Variants in ZNF287 observed in about 807,000 individuals in gnomAD.
ZNF287 encodes zinc finger protein 287, also known as zinc finger protein with KRAB and SCAN domains 13.
ZNF287 carries 31 observed loss-of-function variants against 73.7 expected under a neutral mutation model. The ratio of observed to expected loss-of-function variants is 0.42; its 90% CI spans 0.32 to 0.57. ZNF287 has a LOEUF of 0.57. Among genes scored for constraint, ZNF287 ranks in the 20% least tolerant of loss-of-function variants. The pLI is 0.13. For missense variants in ZNF287, 641 were observed against 909.3 expected (o/e 0.70, Z 3.79); for synonymous variants, 301 against 307.2 (o/e 0.98, Z 0.21).
At chr17:16,559,328 A>T (rs1268155049) in intron 5 of ZNF287, 2 of 152,200 alleles carry the variant, frequency 1.3e-5, no homozygotes, top group African/African-American at 4.8e-5. Flanking sequence ...AAGGACAAAA[A>T]GGACTTCAAA....
At chr17:16,555,677 A>T (rs1907007882) in intron 5 of ZNF287, among the ~76,000 whole-genome samples, 1 of 151,838 alleles carries the variant, frequency 6.6e-6, no homozygotes, top group South Asian at 2.1e-4. Flanking sequence ...CCTCAATCTA[A>T]CCTGGCTGTA....
At position 16,552,959 on chromosome 17, in the gene ZNF287, A is replaced by C; in HGVS notation, c.1183T>G (p.Ser395Ala). 6.2e-7 allele frequency: 1 copy of C among 1,614,042 alleles called. No individual in the cohort carries two copies. Among genetic ancestry groups the C allele is most frequent in the East Asian group, 2.2e-5 (1 of 44,874 alleles). Reference sequence around the variant, plus strand: ...TTCCCACATTCTTCACATTCATACGATTTCTCTTTGGCATGGGTACTTTGG... The same window carrying C: ...TTCCCACATTCTTCACATTCATACGCTTTCTCTTTGGCATGGGTACTTTGG... ...KHQSTHAKEKSYECEECGKEF... is the reference protein window; with the variant it reads ...KHQSTHAKEKAYECEECGKEF... The change falls in exon 6 of 6, where the codon TCG (serine) becomes GCG (alanine). Residue 395 changes from serine to alanine, a missense_variant. This residue lies in a region of ZNF287 where 284 missense variants were observed against 466.8 expected (regional missense o/e 0.61). Coordinates refer to ENST00000395825, the MANE Select transcript of ZNF287 (RefSeq NM_020653.4). This position sits in a 1 kb window ranked among gnomAD's most constrained non-coding sequence, Gnocchi z 6.5.
At position 16,549,831 on chromosome 17, in the gene ZNF287, G is replaced by A. The variant is rs1360766951; in HGVS notation, c.*2025C>T. Among the ~76,000 whole-genome samples, 1 of 152,122 alleles carries A rather than the reference G, an allele frequency of 6.6e-6. No individual in the cohort carries two copies. The highest frequency in any genetic ancestry group is 1.9e-4 in the East Asian group (1 of 5,194). On this transcript the variant is annotated 3_prime_UTR_variant, in exon 6 of 6. Transcript: ENST00000395825. Reference sequence around the variant, plus strand: ...AGATGTCCCAGGAAACCTGATTCACGATTTTTAAGCAGTTCCCAAGTAAAT... The same window carrying A: ...AGATGTCCCAGGAAACCTGATTCACAATTTTTAAGCAGTTCCCAAGTAAAT...
At chr17:16,556,290 CT>C (rs1348422553) in intron 5 of ZNF287, among the ~76,000 whole-genome samples, 3 of 151,890 alleles carry the variant, frequency 2.0e-5, no homozygotes, top group Admixed American at 6.6e-5. Context: ...ACTTTTTTTA[CT>C]TTTATTCAAA....
At position 16,567,426 on chromosome 17, in the gene ZNF287, A is replaced by T. The variant is rs1569024268; in HGVS notation, c.306T>A (p.Pro102=). Residue 102 remains proline, a synonymous_variant, in exon 2 of 6, where the codon CCT becomes CCA. Transcript: ENST00000395825. ...ACTTTACCCAAGTCCTAACCTCACCAGGCAGGATGGTCAGGAATTGCTCCA... is the reference window on the plus strand; with the variant it reads ...ACTTTACCCAAGTCCTAACCTCACCTGGCAGGATGGTCAGGAATTGCTCCA... ...LVLEQFLTIL[P]GEVRTWVKSQ... The T allele has an allele frequency of 6.2e-7, 1 of 1,614,172 alleles. No individual in the cohort carries two copies. Among genetic ancestry groups the T allele is most frequent in the African/African-American group, 1.3e-5 (1 of 75,050 alleles).
intron 2 of ZNF287, 111 bp downstream of exon 2, chr17:16,567,218 C>A: frequency 7.0e-7 from 1 of 1,423,016 alleles, no homozygotes; most frequent in African/African-American, 1.4e-5. Flanking sequence ...AAAAATGCAT[C>A]CTGGACCTCT....
At chr17:16,563,008 G>A (rs1051392600) in intron 5 of ZNF287, 138 bp downstream of exon 5, 2 of 634,976 alleles carry the variant, frequency 3.1e-6, no homozygotes, top group Non-Finnish European at 5.4e-6. Context: ...AGGAAGCAAT[G>A]CCAAACAGCT....
At chr17:16,566,472 G>A in intron 3 of ZNF287, 53 bp downstream of exon 3, 1 of 1,491,728 alleles carries the variant, frequency 6.7e-7, no homozygotes, top group South Asian at 1.2e-5. Flanking sequence ...GTCAGAAAAT[G>A]TCCTCACACA....
At position 16,548,068 on chromosome 17, in the gene ZNF287, G is replaced by T. The variant is rs771104738; in HGVS notation, c.*3788C>A. ...TATACAAGAATGCCACTCAACAAGT[G>T]TAGAGTGATAGAATTAGAAAATTGT... On this transcript the variant is annotated 3_prime_UTR_variant, in exon 6 of 6. Transcript: ENST00000395825. 2.8e-4 allele frequency among the ~76,000 whole-genome samples: 43 copies of T among 152,344 alleles called. No individual in the cohort carries two copies. The highest frequency in any genetic ancestry group is 4.9e-4 in the Non-Finnish European group (33 of 68,034).
chr17:16,553,453 C>A (rs369664744), intron 5 of ZNF287, 27 bp from the exon 6 acceptor site: 2 of 1,430,762 alleles, frequency 1.4e-6, no homozygotes, highest in African/African-American at 3.0e-5. Context: ...ATTAAAAAAT[C>A]TTCATTTATT....
At chr17:16,557,812 G>T (rs182465675) in intron 5 of ZNF287, among the ~76,000 whole-genome samples, 106 of 152,292 alleles carry the variant, frequency 7.0e-4, no homozygotes, top group Non-Finnish European at 1.4e-3. Flanking sequence ...CACTATGTAA[G>T]AACAGGCTAG....
intron 5 of ZNF287, among the ~76,000 whole-genome samples, chr17:16,555,601 AACACACACACACACACACACACAC>A (rs201011881): frequency 1.6e-5 from 2 of 128,162 alleles, no homozygotes; most frequent in African/African-American, 2.8e-5. Context: ...CACATAACCA[AACACACACACACACACACACACAC>A]ACACACACAC....
chr17:16,548,083 T>G lies in ZNF287; in HGVS notation c.*3773A>C, dbSNP rs1906382519. 6.6e-6 allele frequency among the ~76,000 whole-genome samples: 1 copy of G among 152,186 alleles called. No individual in the cohort carries two copies. The highest frequency in any genetic ancestry group is 2.1e-4 in the South Asian group (1 of 4,832). On this transcript the variant is annotated 3_prime_UTR_variant, in exon 6 of 6. Coordinates refer to ENST00000395825, the MANE Select transcript of ZNF287 (RefSeq NM_020653.4). Reference sequence around the variant, plus strand: ...CTCAACAAGTGTAGAGTGATAGAATTAGAAAATTGTCATTTTGCAAACATT... The same window carrying G: ...CTCAACAAGTGTAGAGTGATAGAATGAGAAAATTGTCATTTTGCAAACATT...
In ZNF287 at chr17:16,566,935, C is replaced by T. The variant is rs574014052; in HGVS notation, c.404-313G>A. 8.8e-4 allele frequency among the ~76,000 whole-genome samples: 134 copies of T among 152,210 alleles called. 1 individual carries two copies. Among genetic ancestry groups the T allele is most frequent in the African/African-American group, 3.2e-3 (131 of 41,548 alleles). On this transcript the variant is annotated intron_variant, in intron 2 of 5. Transcript: ENST00000395825. ...GGAATGTTCTCTAGACCCTTTCTTC[C>T]TTTTTTGGAAGTATTTTATTGTAAA...
At chr17:16,563,323 A>C (rs928685456) in intron 4 of ZNF287, 91 bp from the exon 5 acceptor site, 7 of 862,734 alleles carry the variant, frequency 8.1e-6, no homozygotes, top group Non-Finnish European at 1.3e-5. Context: ...GGGAGAACAG[A>C]CCTCTGTAGG....
In ZNF287 at chr17:16,551,461, T is replaced by C. The variant is rs1028254258; in HGVS notation, c.*395A>G. On this transcript the variant is annotated 3_prime_UTR_variant, in exon 6 of 6. Transcript: ENST00000395825. ...GAAACCTGCATAGATGTAGGGCTTT[T>C]CATATACACAGGTTCCACCAGGCTG... 6.7e-5 allele frequency: 12 copies of C among 178,878 alleles called. No homozygotes were observed. The highest frequency in any genetic ancestry group is 9.5e-5 in the African/African-American group (4 of 42,094). 11.1% of individuals were successfully genotyped at this position (178,878 alleles called of 1,614,324 possible). A position where few individuals can be genotyped will look rare whatever the true frequency, so the allele number is the denominator to read the frequency against.
intron 5 of ZNF287, among the ~76,000 whole-genome samples, chr17:16,557,765 A>G (rs904748555): frequency 6.6e-6 from 1 of 152,136 alleles, no homozygotes; most frequent in Non-Finnish European, 1.5e-5. Context: ...AGCCAAGGAG[A>G]GGAGGCTGAC....
In ZNF287 at chr17:16,547,332, A is replaced by T. The variant is rs1376990935; in HGVS notation, c.*4524T>A. On this transcript the variant is annotated 3_prime_UTR_variant, in exon 6 of 6. Coordinates refer to ENST00000395825, the MANE Select transcript of ZNF287 (RefSeq NM_020653.4). ...TAGGTATACATCTAGTTGCTTTCTTAATTGCCCTCTACTTAACCCACTTGG... is the reference window on the plus strand; with the variant it reads ...TAGGTATACATCTAGTTGCTTTCTTTATTGCCCTCTACTTAACCCACTTGG... Among the ~76,000 whole-genome samples the T allele has an allele frequency of 1.3e-5, 2 of 152,216 alleles. No homozygotes were observed. Among genetic ancestry groups the T allele is most frequent in the African/African-American group, 4.8e-5 (2 of 41,456 alleles).
intron 5 of ZNF287, among the ~76,000 whole-genome samples, chr17:16,556,618 T>C (rs1461472433): frequency 6.6e-6 from 1 of 152,142 alleles, no homozygotes; most frequent in Non-Finnish European, 1.5e-5. Flanking sequence ...AAGCTAGGAT[T>C]TGTTATTCCC....
Sources: gnomAD v4.1 joint callset for allele counts (sites outside exome capture counted in the v4.1 genomes callset) on GRCh38, gnomAD v4.1.1 for gene constraint, gnomAD v4.1.1 regional missense constraint, Gnocchi (gnomAD v3.1) non-coding constraint, MANE v1.5 for transcripts, NCBI Gene and HGNC (gene_info 2026-07-23, HGNC 2026-07-21) for gene names.